The following TENM4 variants were observed in gnomAD, a reference collection of about 807,000 sequenced individuals.
TENM4 encodes teneurin-4.
In TENM4, 82 loss-of-function variants were observed where a neutral mutation model predicts 243.3. The observed-to-expected ratio is 0.34, with a 90% confidence interval of 0.28 to 0.40. TENM4 has a LOEUF of 0.40. Ranked by LOEUF, TENM4 falls within the 10% of genes least tolerant of loss-of-function variation. The pLI, the probability that TENM4 is intolerant of heterozygous loss-of-function variation, is 1.00. For synonymous variants in TENM4, 1,412 were observed against 1,456.3 expected (o/e 0.97, Z 0.69); for missense variants, 3,138 against 3,673.3 (o/e 0.85, Z 3.77).
chr11:79,035,797 A>G (rs919169233), intron 6 of TENM4, among the ~76,000 whole-genome samples: 2 of 152,162 alleles, frequency 1.3e-5, no homozygotes, highest in Non-Finnish European at 2.9e-5. Flanking sequence ...TTTGAATTCC[A>G]ACAATACAGA....
chr11:78,768,062 C>G (rs766759279), intron 18 of TENM4, among the ~76,000 whole-genome samples: 4 of 152,212 alleles, frequency 2.6e-5, no homozygotes, highest in African/African-American at 9.6e-5. Context: ...AAACTGCCCC[C>G]GTTTGGCCAA....
At chr11:79,245,544 T>C (rs1277259776) in intron 2 of TENM4, among the ~76,000 whole-genome samples, 6 of 152,182 alleles carry the variant, frequency 3.9e-5, no homozygotes, top group Non-Finnish European at 8.8e-5. Context: ...GCAGGGATAA[T>C]AATGGAACCA....
chr11:79,030,290 C>T (rs904604556), intron 6 of TENM4, among the ~76,000 whole-genome samples: 2 of 152,066 alleles, frequency 1.3e-5, no homozygotes, highest in Admixed American at 6.6e-5. Flanking sequence ...AATTGAGCCT[C>T]GAAGAAGTGA....
rs1285456609 is a variant in TENM4, at chr11:78,657,255, A to T, written c.*803T>A. 1 of 398,456 alleles carries T rather than the reference A, an allele frequency of 2.5e-6. No individual in the cohort carries two copies. Among genetic ancestry groups the T allele is most frequent in the African/African-American group, 2.1e-5 (1 of 48,622 alleles). 24.7% of individuals were successfully genotyped at this position (398,456 alleles called of 1,614,324 possible). A position where few individuals can be genotyped will look rare whatever the true frequency, so the allele number is the denominator to read the frequency against. Reference sequence around the variant, plus strand: ...CCTGGGTGCTTTCCCTCCCGGGAGGATGGGACTCTGAGCCCAGGATGTTAT... The same window carrying T: ...CCTGGGTGCTTTCCCTCCCGGGAGGTTGGGACTCTGAGCCCAGGATGTTAT... On this transcript the variant is annotated 3_prime_UTR_variant, in exon 34 of 34. Transcript: ENST00000278550.
intron 4 of TENM4, among the ~76,000 whole-genome samples, chr11:79,113,631 C>T (rs1861557000): frequency 6.6e-6 from 1 of 151,728 alleles, no homozygotes; most frequent in African/African-American, 2.4e-5. Flanking sequence ...ACAATGTTAA[C>T]TCTCCCCTTT....
At chr11:79,217,209 G>A (rs1004674745) in intron 2 of TENM4, among the ~76,000 whole-genome samples, 6 of 152,148 alleles carry the variant, frequency 3.9e-5, no homozygotes, top group Admixed American at 6.5e-5. Flanking sequence ...GAGGTGCTAA[G>A]GTTTTAGGTC....
At chr11:79,061,221 C>T (rs1860077395) in intron 6 of TENM4, among the ~76,000 whole-genome samples, 2 of 152,184 alleles carry the variant, frequency 1.3e-5, no homozygotes, top group African/African-American at 4.8e-5. Flanking sequence ...CCCATGATTG[C>T]TGTCATTATT....
At chr11:78,766,800 T>C (rs1281993068) in intron 18 of TENM4, among the ~76,000 whole-genome samples, 1 of 151,502 alleles carries the variant, frequency 6.6e-6, no homozygotes, top group African/African-American at 2.4e-5. Flanking sequence ...CCTCCCAAAT[T>C]AAAGTGATTC....
At chr11:79,400,099 C>CCCCA (rs1555062824) in intron 1 of TENM4, among the ~76,000 whole-genome samples, 2 of 140,588 alleles carry the variant, frequency 1.4e-5, no homozygotes, top group Non-Finnish European at 3.1e-5. Flanking sequence ...TAAACACACA[C>CCCCA]CACACACACA....
At chr11:79,164,628 A>T (rs1862868874) in intron 3 of TENM4, among the ~76,000 whole-genome samples, 1 of 143,796 alleles carries the variant, frequency 7.0e-6, no homozygotes. Flanking sequence ...CCCCACCCAA[A>T]TCTCAACTTG....
intron 12 of TENM4, among the ~76,000 whole-genome samples, chr11:78,815,692 A>G (rs1426707847): frequency 6.6e-6 from 1 of 152,232 alleles, no homozygotes. Flanking sequence ...CTATATGCCA[A>G]TGCCTTCTTT....
rs1411158200 is a variant in TENM4, at chr11:79,113,417, G to GTGTGTGTGTT, written c.-66+35292_-66+35293insAACACACACA. Among the ~76,000 whole-genome samples, 190 of 151,792 alleles carry GTGTGTGTGTT rather than the reference G, an allele frequency of 1.3e-3. 8 individuals carry two copies. In the South Asian group the frequency reaches 0.039, roughly 31 times the overall value. On this transcript the variant is annotated intron_variant, in intron 4 of 33. Transcript: ENST00000278550. ...GGTGTGTGTGTGTGTGTGTGTGTGT[G>GTGTGTGTGTT]TGTTGTGTGTGTGACAGAGAGAGAG...
intron 11 of TENM4, among the ~76,000 whole-genome samples, chr11:78,855,101 A>G (rs750286010): frequency 1.3e-5 from 2 of 152,170 alleles, no homozygotes; most frequent in Non-Finnish European, 2.9e-5. Context: ...TATTTATTCA[A>G]TTTCATGAAA....
intron 1 of TENM4, among the ~76,000 whole-genome samples, chr11:79,322,144 G>A (rs989851466): frequency 1.3e-5 from 2 of 152,070 alleles, no homozygotes; most frequent in African/African-American, 2.4e-5. Flanking sequence ...TAGTACTAGC[G>A]GTTCCCTCTG....
chr11:79,430,947 G>A (rs1194930798), intron 1 of TENM4, among the ~76,000 whole-genome samples: 6 of 152,158 alleles, frequency 3.9e-5, no homozygotes, highest in Non-Finnish European at 5.9e-5. Context: ...AGTTCCAAAC[G>A]TGCTAGAAAA....
At chr11:78,921,009 T>C (rs1325230367) in intron 6 of TENM4, among the ~76,000 whole-genome samples, 1 of 152,320 alleles carries the variant, frequency 6.6e-6, no homozygotes, top group African/African-American at 2.4e-5. Flanking sequence ...ATCAACTTCA[T>C]TTCACGAATG....
At chr11:79,064,646 G>C in intron 6 of TENM4, 92 bp downstream of exon 6, 1 of 1,491,806 alleles carries the variant, frequency 6.7e-7, no homozygotes. Flanking sequence ...AACTTCACCA[G>C]AGCCCCGGCA....
At chr11:78,975,923 C>T (rs1361096837) in intron 6 of TENM4, among the ~76,000 whole-genome samples, 1 of 152,110 alleles carries the variant, frequency 6.6e-6, no homozygotes, top group African/African-American at 2.4e-5. Context: ...AGTGTGAAGA[C>T]TTCTCCAGCT....
intron 6 of TENM4, among the ~76,000 whole-genome samples, chr11:78,940,087 T>C (rs147361984): frequency 7.6e-4 from 116 of 152,206 alleles, no homozygotes; most frequent in African/African-American, 2.5e-3. Flanking sequence ...ATAACTGCTG[T>C]TAATGCTCCC....
Sources: gnomAD v4.1 joint callset for allele counts (sites outside exome capture counted in the v4.1 genomes callset) on GRCh38, gnomAD v4.1.1 for gene constraint, MANE v1.5 for transcripts, NCBI Gene and HGNC (gene_info 2026-07-23, HGNC 2026-07-21) for gene names.